PHIP: variants seen among roughly 807,000 people sequenced by gnomAD.
PHIP encodes the protein PH-interacting protein.
A neutral mutation model predicts 236.8 loss-of-function variants in PHIP; 54 were observed. The ratio of observed to expected loss-of-function variants is 0.23; its 90% CI spans 0.18 to 0.29. The LOEUF (loss-of-function observed/expected upper bound fraction) is 0.29. Ranked by LOEUF, PHIP falls within the 10% of genes least tolerant of loss-of-function variation. PHIP has a pLI of 1.00. For synonymous variants in PHIP, 756 were observed against 718.9 expected (o/e 1.05, Z -0.83); for missense variants, 1,370 against 2,190.8 (o/e 0.63, Z 7.48).
chr6:78,977,066 C>T (rs1490521483), intron 24 of PHIP, among the ~76,000 whole-genome samples: 11 of 123,638 alleles, frequency 8.9e-5, no homozygotes, highest in East Asian at 5.2e-4. Context: ...GCTATAAAGA[C>T]ACATGCACAC....
At chr6:78,995,060 A>G (rs1769522254) in intron 19 of PHIP, among the ~76,000 whole-genome samples, 1 of 152,214 alleles carries the variant, frequency 6.6e-6, no homozygotes, top group Admixed American at 6.5e-5. Context: ...TATCTTAGCA[A>G]CCTAAATCTG....
Position 78,961,704 on chromosome 6 carries a change from T to C in PHIP, c.3642A>G (p.Glu1214=). ...TDLSTIKQRL[E]NRFYRRVSSL... The stretch of plus-strand genomic sequence containing the variant: ...ATGGTTCTAACCTGTAAAACCTGTT[T>C]TCCAGTCTTTGTTTAATTGTACTTA... The change falls in exon 31 of 40, where the codon GAA becomes GAG. Residue 1214 remains glutamate, a synonymous_variant. Coordinates refer to ENST00000275034, the MANE Select transcript of PHIP (RefSeq NM_017934.7). 6.2e-7 allele frequency: 1 copy of C among 1,612,324 alleles called. No homozygotes were observed. Among genetic ancestry groups the C allele is most frequent in the East Asian group, 2.2e-5 (1 of 44,820 alleles).
At chr6:79,048,836 T>C (rs1772639324) in intron 6 of PHIP, among the ~76,000 whole-genome samples, 1 of 152,146 alleles carries the variant, frequency 6.6e-6, no homozygotes, top group Non-Finnish European at 1.5e-5. Flanking sequence ...GGCAGCCTAA[T>C]GAAATGCAAG....
intron 6 of PHIP, among the ~76,000 whole-genome samples, chr6:79,054,639 A>T (rs1435113646): frequency 6.6e-6 from 1 of 151,252 alleles, no homozygotes; most frequent in East Asian, 1.9e-4. Context: ...TATATATTAA[A>T]ATTATGTAAT....
intron 7 of PHIP, 123 bp from the exon 8 acceptor site, chr6:79,026,287 GTTAAA>G: frequency 1.4e-6 from 1 of 724,462 alleles, no homozygotes; most frequent in Non-Finnish European, 2.3e-6. Context: ...ACCAAAAAGT[GTTAAA>G]TACTTGTGTT....
chr6:79,045,170 G>T lies in PHIP; in HGVS notation c.440-2167C>A, dbSNP rs141950722. ...AGCAGAGTCCTGGCTCTCAAACATT[G>T]ACAAACTTGTGTTAACAGCACTAAA... On this transcript the variant is annotated intron_variant, in intron 6 of 39. Coordinates refer to ENST00000275034, the MANE Select transcript of PHIP (RefSeq NM_017934.7). Among the ~76,000 whole-genome samples, 97 of 152,200 alleles carry T rather than the reference G, an allele frequency of 6.4e-4. 1 individual carries two copies. In the South Asian group the frequency reaches 8.1e-3, roughly 13 times the overall value.
At position 78,974,885 on chromosome 6, in the gene PHIP, C is replaced by T. The variant is rs1767928959; in HGVS notation, c.2889+3707G>A. On this transcript the variant is annotated intron_variant, in intron 24 of 39. Transcript: ENST00000275034. ...CTGAAATTGTGGCAATAATCAACAG[C>T]TTACCAACCAAAAAGAGTCCAGGAT... Among the ~76,000 whole-genome samples, 6 of 151,762 alleles carry T rather than the reference C, an allele frequency of 4.0e-5. No homozygotes were observed. In the South Asian group the frequency reaches 1.3e-3, roughly 32 times the overall value.
intron 7 of PHIP, among the ~76,000 whole-genome samples, chr6:79,034,983 A>G (rs1484294238): frequency 6.6e-6 from 1 of 152,184 alleles, no homozygotes; most frequent in Non-Finnish European, 1.5e-5. Flanking sequence ...ACTGGCTGAA[A>G]TCAGTTGGAA....
chr6:78,982,832 T>G, intron 23 of PHIP, 54 bp downstream of exon 23: 3 of 1,022,496 alleles, frequency 2.9e-6, no homozygotes. Flanking sequence ...TCAAGATGTG[T>G]GCTTTAAACT....
At position 78,969,886 on chromosome 6, in the gene PHIP, G is replaced by A; in HGVS notation, c.3154C>T (p.Leu1052=). The A allele has an allele frequency of 6.2e-7, 1 of 1,600,432 alleles. No individual in the cohort carries two copies. Among genetic ancestry groups the A allele is most frequent in the South Asian group, 1.1e-5 (1 of 89,790 alleles). Residue 1052 remains leucine, a synonymous_variant, in exon 27 of 40, where the codon CTA becomes TTA. Transcript: ENST00000275034. ...YHDMPDVIDF[L]VLRQQFDDAK... The stretch of plus-strand genomic sequence containing the variant: ...TCATCAAATTGTTGTCTCAAGACTA[G>A]GAAATCTATAACGTCAGGCATATCA...
intron 7 of PHIP, among the ~76,000 whole-genome samples, chr6:79,034,441 G>A (rs1771830566): frequency 6.6e-6 from 1 of 152,166 alleles, no homozygotes; most frequent in South Asian, 2.1e-4. Context: ...GTACTGCCAT[G>A]AAAACTTCAA....
Position 78,935,784 on chromosome 6 carries a change from CTTG to C in PHIP, c.*4906_*4908del. 2 of 980,880 alleles carry C rather than the reference CTTG, an allele frequency of 2.0e-6. No individual in the cohort carries two copies. The highest frequency in any genetic ancestry group is 2.4e-6 in the Non-Finnish European group (2 of 825,858). 60.8% of individuals were successfully genotyped at this position (980,880 alleles called of 1,614,324 possible). On this transcript the variant is annotated 3_prime_UTR_variant, in exon 40 of 40. Transcript: ENST00000275034. ...GCCATATGACCACTTTGGTAAGCAG[CTTG>C]TTGAGATTATGTACTAAGTGCTTTA...
chr6:78,955,396 C>A, intron 33 of PHIP, 114 bp from the exon 34 acceptor site: 1 of 757,514 alleles, frequency 1.3e-6, no homozygotes, highest in Admixed American at 3.1e-5. Flanking sequence ...AATGTATATG[C>A]TGGGGCACTT....
At chr6:79,060,441 A>C in intron 6 of PHIP, 37 bp downstream of exon 6, 5 of 1,396,314 alleles carry the variant, frequency 3.6e-6, no homozygotes, top group Non-Finnish European at 5.0e-6. Flanking sequence ...CTCTTTACCA[A>C]GAGGCTATTA....
Position 79,068,790 on chromosome 6 carries a change from A to C in PHIP, c.190-7972T>G, listed in dbSNP as rs574869308. Among the ~76,000 whole-genome samples, 4 of 152,316 alleles carry C rather than the reference A, an allele frequency of 2.6e-5. No individual in the cohort carries two copies. In the South Asian group the frequency reaches 8.3e-4, roughly 32 times the overall value. Reference sequence around the variant, plus strand: ...TGAGCATGTTTTTAACAACCTTTTCAAAGTGATGTTAGATCAATATATTCA... The same window carrying C: ...TGAGCATGTTTTTAACAACCTTTTCCAAGTGATGTTAGATCAATATATTCA... On this transcript the variant is annotated intron_variant, in intron 4 of 39. Coordinates refer to ENST00000275034, the MANE Select transcript of PHIP (RefSeq NM_017934.7).
intron 19 of PHIP, among the ~76,000 whole-genome samples, chr6:78,996,221 T>A (rs1289139742): frequency 2.0e-5 from 3 of 152,176 alleles, no homozygotes; most frequent in African/African-American, 7.2e-5. Context: ...AATTATACAT[T>A]TGGCCCTGCA....
intron 32 of PHIP, chr6:78,955,933 G>T: frequency 4.0e-6 from 1 of 250,460 alleles, no homozygotes; most frequent in Non-Finnish European, 7.5e-6. Flanking sequence ...CTTTGCTTAG[G>T]TATCTGCTGT....
At position 79,078,216 on chromosome 6, in the gene PHIP, G is replaced by C; in HGVS notation, c.-148C>G. On this transcript the variant is annotated 5_prime_UTR_variant, in exon 1 of 40. Transcript: ENST00000275034. ...TTCAAGCAACGGCGGCGGAGGCGGA[G>C]GAGGAGGAGGAGGAAACAACAACTC... 1.5e-6 allele frequency: 1 copy of C among 677,310 alleles called. No homozygotes were observed. Among genetic ancestry groups the C allele is most frequent in the Non-Finnish European group, 2.5e-6 (1 of 398,950 alleles). The allele number at this position is 677,310 out of a possible 1,614,324, so 42.0% of individuals were successfully genotyped here.
chr6:78,955,904 C>T, intron 32 of PHIP: 1 of 284,352 alleles, frequency 3.5e-6, no homozygotes, highest in Non-Finnish European at 6.5e-6. Context: ...TACACCAAAC[C>T]CAAGTCTCAT....
Sources: allele counts gnomAD v4.1 joint callset (sites outside exome capture counted in the v4.1 genomes callset), GRCh38; gene constraint gnomAD v4.1.1; transcripts MANE v1.5; gene names NCBI Gene and HGNC (gene_info 2026-07-23, HGNC 2026-07-21).